ARHGEF12: variants seen among roughly 807,000 people sequenced by gnomAD.
The protein encoded by ARHGEF12 is Rho guanine nucleotide exchange factor 12.
A neutral mutation model predicts 211.2 loss-of-function variants in ARHGEF12; 66 were observed. The observed-to-expected ratio is 0.31, with a 90% CI of 0.26 to 0.38. ARHGEF12 has a LOEUF of 0.38. Ranked by LOEUF, ARHGEF12 falls within the 10% of genes least tolerant of loss-of-function variation. The pLI, the probability that ARHGEF12 is intolerant of heterozygous loss-of-function variation, is 1.00. For missense variants in ARHGEF12, 1,429 were observed against 1,869.5 expected, an observed-to-expected ratio of 0.76 and a Z score of 4.34; for synonymous variants, 592 against 638.4, an observed-to-expected ratio of 0.93 and a Z score of 1.09.
At chr11:120,435,554 G>T (rs573663313) in intron 11 of ARHGEF12, among the ~76,000 whole-genome samples, 10 of 118,330 alleles carry the variant, frequency 8.5e-5, no homozygotes, top group African/African-American at 2.9e-4. Context: ...TCGCTCTGTT[G>T]CCCAGGCTGG....
chr11:120,481,569 A>G lies in ARHGEF12; in HGVS notation c.4547A>G (p.His1516Arg), dbSNP rs1290447008. 1 of 1,612,898 alleles carries G rather than the reference A, an allele frequency of 6.2e-7. No homozygotes were observed. Among genetic ancestry groups the G allele is most frequent in the Non-Finnish European group, 8.5e-7 (1 of 1,179,080 alleles). ...CATAAGATAGAGGCTGACCTTGAACACTTAAAGGTACCTCATACTTCCACA... is the reference window on the plus strand; with the variant it reads ...CATAAGATAGAGGCTGACCTTGAACGCTTAAAGGTACCTCATACTTCCACA... ...YIHKIEADLE[H>R]LKKVEESYTI... The change falls in exon 39 of 41, where the codon CAC becomes CGC. Residue 1516 changes from histidine (H) to arginine (R), a missense_variant. Transcript: ENST00000397843.
chr11:120,423,375 CAT>C (rs994068772), intron 6 of ARHGEF12, among the ~76,000 whole-genome samples: 12 of 152,068 alleles, frequency 7.9e-5, no homozygotes, highest in African/African-American at 2.7e-4. Context: ...AAGTATATAA[CAT>C]GTGACAAGCA....
chr11:120,415,765 AC>A (rs1036718466), intron 4 of ARHGEF12, among the ~76,000 whole-genome samples: 12 of 152,240 alleles, frequency 7.9e-5, no homozygotes, highest in African/African-American at 2.9e-4. Context: ...TTATGCAGAC[AC>A]CACAGATAGA....
At position 120,358,073 on chromosome 11, in the gene ARHGEF12, G is replaced by C. The variant is rs113275562; in HGVS notation, c.32+20798G>C. The stretch of plus-strand genomic sequence containing the variant: ...GATTTTAACCTCTGGATTGTAGGGA[G>C]CCACTGAAGGCCTTCAGTCAGAGAG... On this transcript the variant is annotated intron_variant, in intron 1 of 40. Coordinates refer to ENST00000397843, the MANE Select transcript of ARHGEF12 (RefSeq NM_015313.3). Among the ~76,000 whole-genome samples, 788 of 152,136 alleles carry C rather than the reference G, an allele frequency of 5.2e-3. 11 individuals are homozygous for C. Among genetic ancestry groups the C allele is most frequent in the African/African-American group, 0.018 (742 of 41,468 alleles).
At chr11:120,373,023 A>AC in intron 1 of ARHGEF12, among the ~76,000 whole-genome samples, 1 of 152,036 alleles carries the variant, frequency 6.6e-6, no homozygotes, top group African/African-American at 2.4e-5. Flanking sequence ...CTGAAACAAG[A>AC]TTTTTTCTTA....
intron 1 of ARHGEF12, among the ~76,000 whole-genome samples, chr11:120,341,101 C>G (rs1305858337): frequency 6.6e-6 from 1 of 151,914 alleles, no homozygotes; most frequent in Non-Finnish European, 1.5e-5. Context: ...GCTCTGTCAC[C>G]CACGGTGGAG....
intron 1 of ARHGEF12, among the ~76,000 whole-genome samples, chr11:120,364,925 T>C (rs989580237): frequency 6.6e-6 from 1 of 150,592 alleles, no homozygotes; most frequent in African/African-American, 2.4e-5. Context: ...TAGCTGATAC[T>C]ACAGGCACAC....
intron 1 of ARHGEF12, among the ~76,000 whole-genome samples, chr11:120,373,840 T>C (rs1943653875): frequency 1.3e-5 from 2 of 152,204 alleles, no homozygotes; most frequent in African/African-American, 4.8e-5. Context: ...GGAGTTTCGC[T>C]CTTGTTGCCT....
intron 27 of ARHGEF12, among the ~76,000 whole-genome samples, chr11:120,461,882 T>G (rs1946546048): frequency 6.6e-6 from 1 of 152,244 alleles, no homozygotes; most frequent in Non-Finnish European, 1.5e-5. Context: ...GCAGCTTCCT[T>G]ACCTCTCAGC....
rs760056981 is a variant in ARHGEF12, at chr11:120,465,280, C to A, written c.2657C>A (p.Thr886Asn). Residue 886 changes from threonine to asparagine, a missense_variant, in exon 28 of 41, where the codon ACC becomes AAC. By Grantham distance (65) the Thr-to-Asn change is moderately conservative. Transcript: ENST00000397843. ...GEEKLKHAAA[T>N]FCSNQPFALE... is the part of the protein sequence containing the mutation. ...GAGAAATTGAAACATGCTGCTGCTA[C>A]CTTTTGCAGTAACCAACCTTTCGCC... The A allele has an allele frequency of 2.4e-5, 39 of 1,614,126 alleles. No homozygotes were observed. Among genetic ancestry groups the A allele is most frequent in the Non-Finnish European group, 3.3e-5 (39 of 1,180,024 alleles).
intron 4 of ARHGEF12, among the ~76,000 whole-genome samples, chr11:120,412,907 A>G (rs1944929767): frequency 1.3e-5 from 2 of 151,988 alleles, no homozygotes; most frequent in Admixed American, 6.6e-5. Flanking sequence ...CCATCACAAT[A>G]TTTTTCATCC....
At chr11:120,484,636 T>C (rs756547946) in intron 40 of ARHGEF12, 129 bp downstream of exon 40, 14 of 836,398 alleles carry the variant, frequency 1.7e-5, no homozygotes, top group Non-Finnish European at 2.0e-5. Flanking sequence ...ACTGCCTGTT[T>C]CTAAACATCA....
chr11:120,383,657 G>A (rs1943941621), intron 1 of ARHGEF12, among the ~76,000 whole-genome samples: 2 of 152,118 alleles, frequency 1.3e-5, no homozygotes, highest in Non-Finnish European at 1.5e-5. Context: ...TCTGACAGAA[G>A]TGGGGCTCAG....
At chr11:120,380,095 A>G (rs1390293363) in intron 1 of ARHGEF12, among the ~76,000 whole-genome samples, 3 of 152,250 alleles carry the variant, frequency 2.0e-5, no homozygotes, top group African/African-American at 4.8e-5. Flanking sequence ...AATGTTTTCA[A>G]CCAGCAATTA....
chr11:120,462,849 T>G (rs1453372233), intron 27 of ARHGEF12: 1 of 152,238 alleles, frequency 6.6e-6, no homozygotes, highest in African/African-American at 2.4e-5. Context: ...TTTTTTTACT[T>G]TACAGTGGTG....
At chr11:120,402,764 C>CA (rs1410714482) in intron 1 of ARHGEF12, among the ~76,000 whole-genome samples, 1 of 152,096 alleles carries the variant, frequency 6.6e-6, no homozygotes, top group Non-Finnish European at 1.5e-5. Flanking sequence ...GAAGTATTGT[C>CA]AAAAGGCTCT....
intron 30 of ARHGEF12, among the ~76,000 whole-genome samples, 195 bp from the exon 31 acceptor site, chr11:120,472,855 C>T (rs1946910241): frequency 6.6e-6 from 1 of 151,926 alleles, no homozygotes; most frequent in African/African-American, 2.4e-5. Flanking sequence ...CGGGGTTTCA[C>T]TGTGTTAGCC....
Position 120,487,443 on chromosome 11 carries a change from A to C in ARHGEF12, c.*2366A>C. 4.6e-6 allele frequency: 1 copy of C among 217,100 alleles called. No individual in the cohort carries two copies. Among genetic ancestry groups the C allele is most frequent in the Non-Finnish European group, 9.3e-6 (1 of 107,964 alleles). The allele number at this position is 217,100 out of a possible 1,614,324, so 13.4% of individuals were successfully genotyped here. On this transcript the variant is annotated 3_prime_UTR_variant, in exon 41 of 41. Coordinates refer to ENST00000397843, the MANE Select transcript of ARHGEF12 (RefSeq NM_015313.3). ...ATGTTCTTTTTATCTTACCGACCTAACTTCTCTTTTCCCTCCCAACTTGGC... is the reference window on the plus strand; with the variant it reads ...ATGTTCTTTTTATCTTACCGACCTACCTTCTCTTTTCCCTCCCAACTTGGC...
At chr11:120,404,164 A>G (rs914513916) in intron 1 of ARHGEF12, among the ~76,000 whole-genome samples, 29 of 152,208 alleles carry the variant, frequency 1.9e-4, no homozygotes, top group African/African-American at 6.8e-4. Flanking sequence ...CAAATCTGCA[A>G]CTTTAGCCCC....
Sources: allele counts gnomAD v4.1 joint callset (sites outside exome capture counted in the v4.1 genomes callset), GRCh38; gene constraint gnomAD v4.1.1; transcripts MANE v1.5; gene names NCBI Gene and HGNC (gene_info 2026-07-23, HGNC 2026-07-21).